The following PHACTR4 variants were observed in gnomAD, a reference collection of about 807,000 sequenced individuals.
PHACTR4 encodes the protein protein phosphatase 1, regulatory subunit 124.
Under a neutral mutation model 72.7 loss-of-function variants are expected in PHACTR4, and 51 were observed. That is an observed-to-expected ratio of 0.70 (90% CI 0.56 to 0.89). The LOEUF (loss-of-function observed/expected upper bound fraction) is 0.89, where lower values mean the gene tolerates loss of function less well. Among genes scored for constraint, PHACTR4 ranks in the 40% least tolerant of loss-of-function variants. PHACTR4 has a pLI of 0.00. For missense variants in PHACTR4, 731 were observed against 861.8 expected (o/e 0.85, Z 1.90); for synonymous variants, 255 against 302.5 (o/e 0.84, Z 1.63).
At chr1:28,427,861 G>A (rs1655972172) in intron 2 of PHACTR4, among the ~76,000 whole-genome samples, 1 of 152,190 alleles carries the variant, frequency 6.6e-6, no homozygotes, top group Admixed American at 6.5e-5. Flanking sequence ...GTGAATAAGT[G>A]AGGGTTGTGG....
intron 2 of PHACTR4, among the ~76,000 whole-genome samples, chr1:28,444,132 G>C (rs962125302): frequency 4.4e-4 from 67 of 151,444 alleles, no homozygotes; most frequent in African/African-American, 1.6e-3. Flanking sequence ...TCCTAACTGG[G>C]GTGAGATGAT....
intron 9 of PHACTR4, 34 bp from the exon 10 acceptor site, chr1:28,489,136 A>C (rs1490522690): frequency 6.3e-7 from 1 of 1,586,278 alleles, no homozygotes; most frequent in Admixed American, 1.7e-5. Context: ...GGGAGGTTTA[A>C]CATAAACATT....
At chr1:28,381,844 C>G (rs1652195380) in intron 1 of PHACTR4, among the ~76,000 whole-genome samples, 1 of 152,180 alleles carries the variant, frequency 6.6e-6, no homozygotes, top group Admixed American at 6.5e-5. Context: ...ACAATCTTGG[C>G]TCGCTGAAAC....
chr1:28,387,259 CA>C (rs11431699), intron 1 of PHACTR4, among the ~76,000 whole-genome samples: 24,635 of 96,346 alleles, frequency 0.26, 2,209 homozygotes, highest in Non-Finnish European at 0.33. Flanking sequence ...GACCCTGTCT[CA>C]AAAAAAAAAA....
intron 3 of PHACTR4, among the ~76,000 whole-genome samples, chr1:28,459,990 A>G (rs1327055682): frequency 6.6e-6 from 1 of 152,216 alleles, no homozygotes; most frequent in East Asian, 1.9e-4. Flanking sequence ...CTTAAGTTAC[A>G]ATTATGTAAG....
intron 1 of PHACTR4, among the ~76,000 whole-genome samples, chr1:28,392,908 C>G (rs1653172101): frequency 6.6e-6 from 1 of 152,016 alleles, no homozygotes; most frequent in African/African-American, 2.4e-5. Flanking sequence ...TGCTGTTGTA[C>G]TCCACATTGC....
chr1:28,403,346 A>G (rs941416220), intron 1 of PHACTR4, among the ~76,000 whole-genome samples: 3 of 152,164 alleles, frequency 2.0e-5, no homozygotes, highest in African/African-American at 7.2e-5. Context: ...GGCTGGGCTT[A>G]CACCCTGGTC....
intron 1 of PHACTR4, among the ~76,000 whole-genome samples, chr1:28,384,693 C>T (rs2124161124): frequency 6.6e-6 from 1 of 152,176 alleles, no homozygotes; most frequent in Admixed American, 6.6e-5. Context: ...CAAGGAGTTT[C>T]AGACCAGCCT....
Position 28,466,526 on chromosome 1 carries a change from G to T in PHACTR4, c.581G>T (p.Gly194Val). ...GCAAAGGATGCCACTTCCTCTGGCG[G>T]CACGGCAAGGTTCATCATCTCCACC... is the stretch of plus-strand genomic sequence containing the variant. ...GQAKDATSSGGTARFIISTSI... is the reference protein window; with the variant it reads ...GQAKDATSSGVTARFIISTSI... The change falls in exon 6 of 14, where the codon GGC becomes GTC. Residue 194 changes from glycine (G) to valine (V), a missense_variant. Transcript: ENST00000373839. 6.2e-7 allele frequency: 1 copy of T among 1,614,064 alleles called. No homozygotes were observed. The highest frequency in any genetic ancestry group is 8.5e-7 in the Non-Finnish European group (1 of 1,180,012).
At chr1:28,436,071 T>G (rs1187838423) in intron 2 of PHACTR4, among the ~76,000 whole-genome samples, 1 of 152,228 alleles carries the variant, frequency 6.6e-6, no homozygotes, top group Non-Finnish European at 1.5e-5. Context: ...TGAGGTTTTC[T>G]TATTTGTTAC....
intron 2 of PHACTR4, among the ~76,000 whole-genome samples, chr1:28,430,699 G>GA (rs1274486589): frequency 6.6e-6 from 1 of 152,104 alleles, no homozygotes; most frequent in Non-Finnish European, 1.5e-5. Context: ...CCCCTCACTG[G>GA]AGTTTACCTC....
chr1:28,440,098 G>A (rs1656897928), intron 2 of PHACTR4, among the ~76,000 whole-genome samples: 2 of 151,846 alleles, frequency 1.3e-5, no homozygotes, highest in Admixed American at 6.6e-5. Context: ...TCAGGCGATC[G>A]AGACCATTCT....
intron 2 of PHACTR4, among the ~76,000 whole-genome samples, chr1:28,429,848 ATATTGGTAGGTGT>A (rs1390250928): frequency 6.6e-6 from 1 of 152,158 alleles, no homozygotes; most frequent in Admixed American, 6.6e-5. Flanking sequence ...GTGCCAACAT[ATATTGGTAGGTGT>A]AAGTGTGTCT....
chr1:28,438,041 G>A (rs201304115), intron 2 of PHACTR4: 6 of 496,376 alleles, frequency 1.2e-5, no homozygotes, highest in South Asian at 8.4e-5. Flanking sequence ...AGTCAGGAAC[G>A]GGGGTGTGGA....
At chr1:28,384,775 C>T (rs984117224) in intron 1 of PHACTR4, among the ~76,000 whole-genome samples, 4 of 152,178 alleles carry the variant, frequency 2.6e-5, no homozygotes, top group African/African-American at 7.2e-5. Context: ...ACCTGTAATC[C>T]CAACTACTTG....
chr1:28,391,046 C>T (rs1330193547), intron 1 of PHACTR4, among the ~76,000 whole-genome samples: 4 of 149,680 alleles, frequency 2.7e-5, no homozygotes, highest in Non-Finnish European at 4.4e-5. Flanking sequence ...TGTAGTGAGC[C>T]GTGATTGTGC....
chr1:28,407,732 A>G (rs561489634), intron 2 of PHACTR4, among the ~76,000 whole-genome samples: 8 of 152,222 alleles, frequency 5.3e-5, no homozygotes, highest in Non-Finnish European at 2.9e-5. Flanking sequence ...TTGTTTAAAA[A>G]CAACATTGAT....
intron 1 of PHACTR4, among the ~76,000 whole-genome samples, chr1:28,370,531 G>C (rs1651156803): frequency 6.7e-6 from 1 of 150,362 alleles, no homozygotes. Context: ...CAAAGAACCA[G>C]TGGTGAATGG....
At chr1:28,487,788 TGCAGTA>T (rs1298961394) in intron 9 of PHACTR4, among the ~76,000 whole-genome samples, 1 of 127,930 alleles carries the variant, frequency 7.8e-6, no homozygotes, top group Non-Finnish European at 1.5e-5. Context: ...CAAGCAGGAG[TGCAGTA>T]GCATGAGCTT....
Sources: allele counts gnomAD v4.1 joint callset (sites outside exome capture counted in the v4.1 genomes callset), GRCh38; gene constraint gnomAD v4.1.1; transcripts MANE v1.5; gene names NCBI Gene and HGNC (gene_info 2026-07-23, HGNC 2026-07-21).